PCNX2: variants seen among roughly 807,000 people sequenced by gnomAD.
The protein encoded by PCNX2 is pecanex-like protein 2.
Under a neutral mutation model 223.8 loss-of-function variants are expected in PCNX2, and 168 were observed. That is an observed-to-expected ratio of 0.75 (90% CI 0.66 to 0.85). The LOEUF (loss-of-function observed/expected upper bound fraction) is 0.85. PCNX2 is among the 40% of genes least tolerant of loss of function. The pLI is 0.00. For missense variants in PCNX2, 2,507 were observed against 2,675.5 expected (o/e 0.94, Z 1.39); for synonymous variants, 1,006 against 1,052.6 (o/e 0.96, Z 0.86).
At chr1:233,032,819 G>C (rs1671317060) in intron 25 of PCNX2, among the ~76,000 whole-genome samples, 1 of 152,198 alleles carries the variant, frequency 6.6e-6, no homozygotes, top group African/African-American at 2.4e-5. Context: ...GCTTAGACTT[G>C]ACAGATACAT....
In PCNX2 at chr1:233,057,171, C is replaced by T. The variant is rs376152378; in HGVS notation, c.4135+61G>A. Reference sequence around the variant, plus strand: ...GTACAGAGTGAGTATTTAATTCTTCCTTTTGAGAATCCATCCATACAACAA... The same window carrying T: ...GTACAGAGTGAGTATTTAATTCTTCTTTTTGAGAATCCATCCATACAACAA... On this transcript the variant is annotated intron_variant, in intron 24 of 33. Coordinates refer to ENST00000258229, the MANE Select transcript of PCNX2 (RefSeq NM_014801.4). 514 of 1,360,552 alleles carry T rather than the reference C, an allele frequency of 3.8e-4. 5 individuals carry two copies. In the African/African-American group the frequency reaches 6.5e-3, roughly 17 times the overall value. The allele number at this position is 1,360,552 out of a possible 1,614,324, so 84.3% of individuals were successfully genotyped here. A position where few individuals can be genotyped will look rare whatever the true frequency, so the allele number is the denominator to read the frequency against.
intron 21 of PCNX2, among the ~76,000 whole-genome samples, chr1:233,130,309 C>T (rs544826681): frequency 6.6e-6 from 1 of 151,966 alleles, no homozygotes; most frequent in South Asian, 2.1e-4. Flanking sequence ...ACCCCCTCAA[C>T]CCCCCCACCC....
chr1:233,004,178 T>C (rs947923136), intron 28 of PCNX2, among the ~76,000 whole-genome samples: 2 of 152,184 alleles, frequency 1.3e-5, no homozygotes, highest in Non-Finnish European at 2.9e-5. Context: ...TCTTTCATAT[T>C]TGGCCAACAC....
At chr1:233,198,508 C>T (rs1170346518) in intron 15 of PCNX2, among the ~76,000 whole-genome samples, 5 of 152,170 alleles carry the variant, frequency 3.3e-5, no homozygotes, top group Admixed American at 3.3e-4. Context: ...TCTATAGTCC[C>T]TCTGTTTTCT....
chr1:233,276,852 T>C (rs1348549114), intron 1 of PCNX2, among the ~76,000 whole-genome samples: 1 of 152,186 alleles, frequency 6.6e-6, no homozygotes, highest in Non-Finnish European at 1.5e-5. Flanking sequence ...CACTTTGGGG[T>C]AGAACTGTGA....
intron 1 of PCNX2, among the ~76,000 whole-genome samples, chr1:233,280,986 C>CATT (rs35734486): frequency 0.81 from 122,867 of 151,910 alleles, 49,714 homozygotes; most frequent in East Asian, 0.87. Context: ...TGATCATCAT[C>CATT]ATCTATTCAT....
At chr1:233,179,026 C>T (rs1679643457) in intron 16 of PCNX2, 40 bp downstream of exon 16, 3 of 1,565,556 alleles carry the variant, frequency 1.9e-6, no homozygotes, top group African/African-American at 2.7e-5. Context: ...AACTATGCCC[C>T]CAGCTCAGTG....
At chr1:233,289,721 C>G (rs2103027928) in intron 1 of PCNX2, among the ~76,000 whole-genome samples, 1 of 152,310 alleles carries the variant, frequency 6.6e-6, no homozygotes. Flanking sequence ...ACTATGTGAT[C>G]CATTAACAGA....
chr1:233,171,600 T>A (rs1358064140), intron 17 of PCNX2, among the ~76,000 whole-genome samples: 2 of 152,178 alleles, frequency 1.3e-5, no homozygotes, highest in African/African-American at 4.8e-5. Flanking sequence ...GTTTACCTGC[T>A]TTAAGTTGGT....
intron 17 of PCNX2, among the ~76,000 whole-genome samples, chr1:233,161,655 G>A (rs1678489015): frequency 6.6e-6 from 1 of 152,082 alleles, no homozygotes; most frequent in Non-Finnish European, 1.5e-5. Flanking sequence ...TTCTACACAA[G>A]TAAGAGGCAT....
At chr1:233,289,423 C>T (rs113056905) in intron 1 of PCNX2, 30 of 1,417,946 alleles carry the variant, frequency 2.1e-5, no homozygotes, top group South Asian at 1.7e-4. Context: ...TTAGGCTTCA[C>T]GATCTTGGCG....
chr1:233,259,429 T>C (rs1049346428), intron 4 of PCNX2, 85 bp from the exon 5 acceptor site: 73 of 1,431,528 alleles, frequency 5.1e-5, no homozygotes, highest in Non-Finnish European at 6.6e-5. Flanking sequence ...ATAACAAAAC[T>C]AAAACAGCAC....
chr1:233,021,824 T>C (rs1434818753), intron 26 of PCNX2, among the ~76,000 whole-genome samples: 1 of 152,230 alleles, frequency 6.6e-6, no homozygotes, highest in East Asian at 1.9e-4. Flanking sequence ...CACATGATCC[T>C]GGATTTGTCA....
chr1:233,033,134 T>C (rs1449473751), intron 25 of PCNX2: 1 of 985,310 alleles, frequency 1.0e-6, no homozygotes, highest in African/African-American at 1.7e-5. Flanking sequence ...TGTCTCTGTC[T>C]GGTATTTCCA....
At chr1:233,201,054 T>G (rs1335943894) in intron 13 of PCNX2, among the ~76,000 whole-genome samples, 1 of 138,280 alleles carries the variant, frequency 7.2e-6, no homozygotes, top group African/African-American at 2.7e-5. Flanking sequence ...AAAAAGTTGG[T>G]ATACCTATGT....
chr1:233,253,325 T>G lies in PCNX2; in HGVS notation c.1835-537A>C, dbSNP rs1572156146. Reference sequence around the variant, plus strand: ...TGTTAAGTATAGCTGGGGGCGGGGGTTGTTTTTGTTTGTTTGTTTGTTTGA... The same window carrying G: ...TGTTAAGTATAGCTGGGGGCGGGGGGTGTTTTTGTTTGTTTGTTTGTTTGA... On this transcript the variant is annotated intron_variant, in intron 5 of 33. Coordinates refer to ENST00000258229, the MANE Select transcript of PCNX2 (RefSeq NM_014801.4). This position sits in a 1 kb window ranked among gnomAD's most constrained non-coding sequence, Gnocchi z 4.2. Among the ~76,000 whole-genome samples the G allele has an allele frequency of 1.3e-5, 2 of 151,532 alleles. No homozygotes were observed. The highest frequency in any genetic ancestry group is 4.9e-5 in the African/African-American group (2 of 41,180).
At chr1:233,068,550 G>T (rs1351975372) in intron 23 of PCNX2, among the ~76,000 whole-genome samples, 1 of 152,006 alleles carries the variant, frequency 6.6e-6, no homozygotes, top group Non-Finnish European at 1.5e-5. Context: ...TGTATATACA[G>T]AAAATATTCA....
intron 21 of PCNX2, among the ~76,000 whole-genome samples, chr1:233,108,812 G>A (rs1674953137): frequency 6.6e-6 from 1 of 152,218 alleles, no homozygotes; most frequent in South Asian, 2.1e-4. Flanking sequence ...ACAGACAGGG[G>A]AGAGAGGAAA....
chr1:233,192,847 A>G (rs1680494355), intron 15 of PCNX2, among the ~76,000 whole-genome samples: 1 of 151,222 alleles, frequency 6.6e-6, no homozygotes, highest in Non-Finnish European at 1.5e-5. Flanking sequence ...ATAATAGTGC[A>G]AAAGAATTCT....
Sources: gnomAD v4.1 joint callset for allele counts (sites outside exome capture counted in the v4.1 genomes callset) on GRCh38, gnomAD v4.1.1 for gene constraint, Gnocchi (gnomAD v3.1) non-coding constraint, MANE v1.5 for transcripts, NCBI Gene and HGNC (gene_info 2026-07-23, HGNC 2026-07-21) for gene names.